Variants in GAPVD1 observed in about 807,000 individuals in gnomAD.
GAPVD1 encodes GTPase-activating protein and VPS9 domain-containing protein 1.
In GAPVD1, 35 loss-of-function variants were observed where a neutral mutation model predicts 155.5. That is an observed-to-expected ratio of 0.23 (90% confidence interval 0.17 to 0.30). The LOEUF (loss-of-function observed/expected upper bound fraction) is 0.30. Among genes scored for constraint, GAPVD1 ranks in the 10% least tolerant of loss-of-function variants. The pLI, the probability that GAPVD1 is intolerant of heterozygous loss-of-function variation, is 1.00. For synonymous variants in GAPVD1, 636 were observed against 619.7 expected (o/e 1.03, Z -0.39); for missense variants, 1,429 against 1,775.7 (o/e 0.80, Z 3.51).
At chr9:125,262,964 T>A (rs1341353590) in intron 1 of GAPVD1, among the ~76,000 whole-genome samples, 1 of 152,200 alleles carries the variant, frequency 6.6e-6, no homozygotes, top group African/African-American at 2.4e-5. Flanking sequence ...TTAACACTTC[T>A]TTGAATTTCT....
rs189731500 is a variant in GAPVD1 at position 125,289,121 on chromosome 9, A to G, written c.-149-6337A>G. ...TGTTTATGTCTGTTGTCTTGAAATTATTGATACTGCCTACTTTTACTCCCA... is the reference window on the plus strand; with the variant it reads ...TGTTTATGTCTGTTGTCTTGAAATTGTTGATACTGCCTACTTTTACTCCCA... On this transcript the variant is annotated intron_variant, in intron 2 of 27. Transcript: ENST00000297933. Among the ~76,000 whole-genome samples, 23 of 152,310 alleles carry G rather than the reference A, an allele frequency of 1.5e-4. No homozygotes were observed. In the East Asian group the frequency reaches 4.4e-3, roughly 29 times the overall value.
At chr9:125,262,992 C>T (rs139968954) in intron 1 of GAPVD1, among the ~76,000 whole-genome samples, 1 of 152,192 alleles carries the variant, frequency 6.6e-6, no homozygotes, top group East Asian at 1.9e-4. Flanking sequence ...CTAGACCCGC[C>T]GTTAGACATT....
At chr9:125,300,471 G>A (rs1027782069) in intron 4 of GAPVD1, among the ~76,000 whole-genome samples, 1 of 151,896 alleles carries the variant, frequency 6.6e-6, no homozygotes, top group Non-Finnish European at 1.5e-5. Flanking sequence ...GAGCCACCCT[G>A]CCTGGCCAAG....
intron 25 of GAPVD1, 139 bp from the exon 26 acceptor site, chr9:125,359,281 C>T (rs1339426853): frequency 2.1e-5 from 14 of 664,182 alleles, no homozygotes; most frequent in Non-Finnish European, 3.8e-5. Flanking sequence ...AGAGGCTCAA[C>T]TCTAACTGTA....
chr9:125,308,011 A>G lies in GAPVD1; in HGVS notation c.1441+131A>G, dbSNP rs543269450. On this transcript the variant is annotated intron_variant, in intron 8 of 27. Coordinates refer to ENST00000297933, the MANE Select transcript of GAPVD1 (RefSeq NM_001282680.3). ...CTTTCTCTTCATGTTTACTGATGGT[A>G]TTTCAGTTTTTAGAAATCGTATCAG... is the stretch of plus-strand genomic sequence containing the variant. The G allele has an allele frequency of 8.3e-5, 56 of 677,546 alleles. No homozygotes were observed. The African/African-American group carries it at 8.9e-4, about 11-fold the overall frequency. The allele number at this position is 677,546 out of a possible 1,614,324, so 42.0% of individuals were successfully genotyped here.
At chr9:125,358,597 G>T (rs886888253) in intron 25 of GAPVD1, among the ~76,000 whole-genome samples, 2 of 152,308 alleles carry the variant, frequency 1.3e-5, no homozygotes, top group South Asian at 2.1e-4. Context: ...ATGTTGCATA[G>T]ATATTTGAGA....
intron 2 of GAPVD1, among the ~76,000 whole-genome samples, chr9:125,290,581 T>C (rs191107053): frequency 5.9e-5 from 9 of 152,040 alleles, no homozygotes; most frequent in South Asian, 2.1e-4. Flanking sequence ...GGAAGAGGTG[T>C]TGGAAGTTTG....
In GAPVD1 at chr9:125,362,635, G is replaced by A. The variant is rs145837495; in HGVS notation, c.4272G>A (p.Val1424=). The A allele has an allele frequency of 1.2e-6, 2 of 1,611,848 alleles. No individual in the cohort carries two copies. The highest frequency in any genetic ancestry group is 2.7e-5 in the African/African-American group (2 of 74,880). The change falls in exon 28 of 28, where the codon GTG becomes GTA. Residue 1424 remains valine, a synonymous_variant. Coordinates refer to ENST00000297933, the MANE Select transcript of GAPVD1 (RefSeq NM_001282680.3). Reference sequence around the variant, plus strand: ...ATCCACCCTGTTTGCTGTCTACTGTGCAGTATATCAGTAGCTTTTATGCTA... The same window carrying A: ...ATCCACCCTGTTTGCTGTCTACTGTACAGTATATCAGTAGCTTTTATGCTA... ...KANPPCLLST[V]QYISSFYASC... is the part of the protein sequence containing the mutation.
At chr9:125,347,080 A>T (rs892452464) in intron 20 of GAPVD1, 139 bp downstream of exon 20, 2 of 776,194 alleles carry the variant, frequency 2.6e-6, no homozygotes, top group Admixed American at 2.5e-5. Context: ...TGCCTAAACA[A>T]ATGTTTAAAT....
chr9:125,290,850 T>C (rs1291097044), intron 2 of GAPVD1, among the ~76,000 whole-genome samples: 1 of 150,410 alleles, frequency 6.6e-6, no homozygotes, highest in Non-Finnish European at 1.5e-5. Flanking sequence ...AAAATTTAGC[T>C]GGATGTGGTG....
chr9:125,301,877 G>A, intron 4 of GAPVD1, 106 bp from the exon 5 acceptor site: 2 of 926,194 alleles, frequency 2.2e-6, no homozygotes, highest in Non-Finnish European at 1.5e-6. Flanking sequence ...TGACCTCATT[G>A]TTGGGACCAT....
At chr9:125,328,774 C>T (rs1845595819) in intron 12 of GAPVD1, among the ~76,000 whole-genome samples, 2 of 151,756 alleles carry the variant, frequency 1.3e-5, no homozygotes, top group African/African-American at 4.8e-5. Context: ...CCAGTAGGGG[C>T]GGCCGGGCAG....
At chr9:125,297,124 G>A (rs972638732) in intron 3 of GAPVD1, among the ~76,000 whole-genome samples, 1 of 152,198 alleles carries the variant, frequency 6.6e-6, no homozygotes, top group Non-Finnish European at 1.5e-5. Flanking sequence ...TAAAATATGT[G>A]TGCTATTTGT....
At position 125,304,578 on chromosome 9, in the gene GAPVD1, A is replaced by G. The variant is rs113830381; in HGVS notation, c.1030-485A>G. Among the ~76,000 whole-genome samples the G allele has an allele frequency of 5.0e-3, 759 of 152,328 alleles. 4 individuals carry two copies. Among genetic ancestry groups the G allele is most frequent in the African/African-American group, 0.017 (726 of 41,576 alleles). ...ATTTTGCCAGTAAGGTACTTGTTCT[A>G]TGAATTAGTATTTACTTTATCAAAC... On this transcript the variant is annotated intron_variant, in intron 5 of 27. Transcript: ENST00000297933.
chr9:125,280,865 G>T (rs566147484), intron 2 of GAPVD1, among the ~76,000 whole-genome samples: 1 of 152,184 alleles, frequency 6.6e-6, no homozygotes, highest in South Asian at 2.1e-4. Flanking sequence ...GTGAGTCAAC[G>T]TGCCCAGCCA....
chr9:125,263,978 A>G, intron 1 of GAPVD1: 1 of 1,386,388 alleles, frequency 7.2e-7, no homozygotes, highest in Non-Finnish European at 1.0e-6. Flanking sequence ...CATGACATGA[A>G]GGTTGGGCAC....
chr9:125,328,608 A>C (rs1049535627), intron 12 of GAPVD1, among the ~76,000 whole-genome samples: 1 of 149,714 alleles, frequency 6.7e-6, no homozygotes, highest in African/African-American at 2.5e-5. Flanking sequence ...TTCTTTCTAC[A>C]CAGACAGGGC....
chr9:125,307,651 A>T, intron 7 of GAPVD1, 40 bp from the exon 8 acceptor site: 1 of 1,586,782 alleles, frequency 6.3e-7, no homozygotes, highest in South Asian at 1.1e-5. Context: ...TTGTATTTGA[A>T]AAAGTGATTT....
chr9:125,357,323 A>G (rs1850229356), intron 25 of GAPVD1, among the ~76,000 whole-genome samples: 1 of 152,184 alleles, frequency 6.6e-6, no homozygotes, highest in Non-Finnish European at 1.5e-5. Context: ...TCACACTTGT[A>G]ATCGCAGCAC....
Sources: gnomAD v4.1 joint callset for allele counts (sites outside exome capture counted in the v4.1 genomes callset) on GRCh38, gnomAD v4.1.1 for gene constraint, MANE v1.5 for transcripts, NCBI Gene and HGNC (gene_info 2026-07-23, HGNC 2026-07-21) for gene names.